PABPC4L: variants seen among roughly 807,000 people sequenced by gnomAD.
The protein encoded by PABPC4L is polyadenylate-binding protein 4-like.
For synonymous variants in PABPC4L, 169 were observed against 164.1 expected, an observed-to-expected ratio of 1.03 and a Z score of -0.23; for missense variants, 452 against 451.4, an observed-to-expected ratio of 1.00 and a Z score of -0.01.
At chr4:134,111,549 C>G in the PABPC4L span, among the ~76,000 whole-genome samples, 14 of 151,894 alleles carry the variant, frequency 9.2e-5, 1 homozygote, top group South Asian at 2.9e-3. Context: ...TCTAGAGAAC[C>G]AGGACTATTG....
At chr4:134,042,074 C>CAT in the PABPC4L span, among the ~76,000 whole-genome samples, 1 of 152,118 alleles carries the variant, frequency 6.6e-6, no homozygotes, top group African/African-American at 2.4e-5. Context: ...AATCTACACA[C>CAT]ATATATATAA....
At chr4:134,122,026 T>C in the PABPC4L span, among the ~76,000 whole-genome samples, 1 of 151,884 alleles carries the variant, frequency 6.6e-6, no homozygotes, top group Non-Finnish European at 1.5e-5. Context: ...TTTATTTTTT[T>C]ATATTTTAAT....
At position 134,200,685 on chromosome 4, in the gene PABPC4L, T is replaced by C; in HGVS notation, c.335A>G (p.Lys112Arg). 1.9e-6 allele frequency: 3 copies of C among 1,551,656 alleles called. No individual in the cohort carries two copies. The highest frequency in any genetic ancestry group is 2.6e-6 in the Non-Finnish European group (3 of 1,146,970). Residue 112 changes from lysine (K) to arginine (R), a missense_variant, in exon 2 of 2, where the codon AAA becomes AGA. Coordinates refer to ENST00000421491, the MANE Select transcript of PABPC4L (RefSeq NM_001114734.2). ...IKNLDKSIDN[K>R]TLYEHFSAFG... ...AGCTGAAAAATGTTCATAAAGGGTT[T>C]TGTTATCGATAGATTTGTCCAGATT...
the PABPC4L span, among the ~76,000 whole-genome samples, chr4:134,127,384 C>A: frequency 6.6e-6 from 1 of 152,006 alleles, no homozygotes; most frequent in Non-Finnish European, 1.5e-5. Flanking sequence ...CAATGAGGAC[C>A]CTCACAGAGT....
the PABPC4L span, among the ~76,000 whole-genome samples, chr4:134,079,078 T>C: frequency 6.7e-6 from 1 of 150,368 alleles, no homozygotes; most frequent in African/African-American, 2.4e-5. Context: ...TTCAAGCGAT[T>C]CTTCTGCCTC....
the PABPC4L span, among the ~76,000 whole-genome samples, chr4:134,050,591 G>C: frequency 6.6e-6 from 1 of 151,530 alleles, no homozygotes; most frequent in Non-Finnish European, 1.5e-5. Context: ...TGTAAACCCA[G>C]CTACTCGGGA....
the PABPC4L span, among the ~76,000 whole-genome samples, chr4:134,186,668 C>T: frequency 2.6e-5 from 4 of 152,082 alleles, no homozygotes; most frequent in African/African-American, 9.7e-5. Flanking sequence ...AAAGCAATGG[C>T]AACGAAAGCC....
chr4:134,166,253 C>T, the PABPC4L span, among the ~76,000 whole-genome samples: 1 of 151,972 alleles, frequency 6.6e-6, no homozygotes, highest in Admixed American at 6.6e-5. Flanking sequence ...GTAAGGAAAA[C>T]CCACTTGTAC....
the PABPC4L span, among the ~76,000 whole-genome samples, chr4:134,120,971 T>A: frequency 6.6e-6 from 1 of 151,370 alleles, no homozygotes; most frequent in Admixed American, 6.6e-5. Context: ...TCTAAATGTG[T>A]CTCATATTCT....
chr4:134,058,625 G>A, the PABPC4L span, among the ~76,000 whole-genome samples: 118 of 152,118 alleles, frequency 7.8e-4, 1 homozygote, highest in African/African-American at 2.7e-3. Context: ...AGGCAAGGTA[G>A]ATTCATTCCT....
At chr4:134,109,165 T>C in the PABPC4L span, among the ~76,000 whole-genome samples, 4 of 152,018 alleles carry the variant, frequency 2.6e-5, no homozygotes, top group Non-Finnish European at 5.9e-5. Flanking sequence ...CAAAAAAGTA[T>C]GTATCATAAG....
chr4:134,138,645 T>A, the PABPC4L span, among the ~76,000 whole-genome samples: 7 of 151,828 alleles, frequency 4.6e-5, no homozygotes, highest in African/African-American at 7.2e-5. Flanking sequence ...ATACTCAATT[T>A]TATTATGCAT....
At chr4:134,049,918 A>C in the PABPC4L span, among the ~76,000 whole-genome samples, 1 of 152,164 alleles carries the variant, frequency 6.6e-6, no homozygotes. Flanking sequence ...GCATGACTGC[A>C]GAGAAGTCAC....
At chr4:134,147,916 T>C in the PABPC4L span, among the ~76,000 whole-genome samples, 1 of 152,086 alleles carries the variant, frequency 6.6e-6, no homozygotes, top group African/African-American at 2.4e-5. Context: ...TCACAGTGGA[T>C]ACCTGGAACT....
chr4:133,981,627 CTCAA>C, the PABPC4L span, among the ~76,000 whole-genome samples: 4 of 151,794 alleles, frequency 2.6e-5, no homozygotes, highest in East Asian at 1.9e-4. Context: ...TACAATGACA[CTCAA>C]TCAATTATTT....
the PABPC4L span, among the ~76,000 whole-genome samples, chr4:134,155,604 G>A: frequency 9.6e-3 from 1,464 of 151,918 alleles, 10 homozygotes; most frequent in Non-Finnish European, 0.016. Context: ...TGAAATAAAT[G>A]TACTGTTCCT....
the PABPC4L span, among the ~76,000 whole-genome samples, chr4:134,035,800 C>T: frequency 3.9e-5 from 6 of 151,930 alleles, no homozygotes; most frequent in African/African-American, 7.2e-5. Context: ...GTGACTTCTG[C>T]GTAATAGATG....
At chr4:134,130,804 A>G in the PABPC4L span, among the ~76,000 whole-genome samples, 8 of 152,096 alleles carry the variant, frequency 5.3e-5, no homozygotes, top group Non-Finnish European at 1.2e-4. Flanking sequence ...CAGCATATCA[A>G]AAAGAATATC....
the PABPC4L span, among the ~76,000 whole-genome samples, chr4:134,041,116 A>G: frequency 6.6e-6 from 1 of 152,122 alleles, no homozygotes; most frequent in Admixed American, 6.6e-5. Context: ...ACACTTTTAC[A>G]CTGTTGGTGG....
Sources: gnomAD v4.1 joint callset for allele counts (sites outside exome capture counted in the v4.1 genomes callset) on GRCh38, gnomAD v4.1.1 for gene constraint, MANE v1.5 for transcripts, NCBI Gene and HGNC (gene_info 2026-07-23, HGNC 2026-07-21) for gene names.